TNKS: variants seen among roughly 807,000 people sequenced by gnomAD.
TNKS encodes poly [ADP-ribose] polymerase tankyrase-1.
A neutral mutation model predicts 135.8 loss-of-function variants in TNKS; 72 were observed. The observed-to-expected ratio is 0.53, with a 90% CI of 0.44 to 0.64. The LOEUF (loss-of-function observed/expected upper bound fraction) is 0.64. Among genes scored for constraint, TNKS ranks in the 30% least tolerant of loss-of-function variants. TNKS has a pLI of 0.00. For missense variants in TNKS, 1,769 were observed against 1,674.0 expected (o/e 1.06, Z -0.99); for synonymous variants, 849 against 649.3 (o/e 1.31, Z -4.68).
intron 3 of TNKS, among the ~76,000 whole-genome samples, chr8:9,677,413 C>T (rs1268751847): frequency 6.6e-6 from 1 of 152,116 alleles, no homozygotes; most frequent in Non-Finnish European, 1.5e-5. Flanking sequence ...TAGGGAGAGA[C>T]TGATTTGAAC....
intron 20 of TNKS, among the ~76,000 whole-genome samples, chr8:9,759,967 G>T (rs1807055122): frequency 6.7e-6 from 1 of 149,912 alleles, no homozygotes; most frequent in Non-Finnish European, 1.5e-5. Flanking sequence ...GACAGAGCGA[G>T]ACTCTGTCTC....
At chr8:9,710,460 T>A in intron 11 of TNKS, 1 of 576,412 alleles carries the variant, frequency 1.7e-6, no homozygotes, top group Non-Finnish European at 3.1e-6. Context: ...AATATAGCTA[T>A]AGTCATTTGA....
intron 3 of TNKS, among the ~76,000 whole-genome samples, chr8:9,651,604 G>C (rs890708077): frequency 6.6e-5 from 10 of 152,184 alleles, no homozygotes; most frequent in Admixed American, 5.9e-4. Context: ...TCAAGAAATA[G>C]TGCAATTCAG....
chr8:9,744,798 G>T (rs1409114926), intron 17 of TNKS, among the ~76,000 whole-genome samples: 1 of 152,150 alleles, frequency 6.6e-6, no homozygotes, highest in Non-Finnish European at 1.5e-5. Context: ...TATTTGGGTA[G>T]TAATATACTC....
At chr8:9,611,432 C>T (rs1185083888) in intron 2 of TNKS, among the ~76,000 whole-genome samples, 1 of 152,188 alleles carries the variant, frequency 6.6e-6, no homozygotes, top group East Asian at 1.9e-4. Flanking sequence ...AATAATATGA[C>T]ACTGTATCAT....
At chr8:9,750,044 C>G (rs1806439686) in intron 18 of TNKS, among the ~76,000 whole-genome samples, 1 of 152,206 alleles carries the variant, frequency 6.6e-6, no homozygotes, top group Non-Finnish European at 1.5e-5. Context: ...CAAGACAGGT[C>G]CCTCTCTAAC....
At chr8:9,728,718 C>A (rs1805275903) in intron 13 of TNKS, among the ~76,000 whole-genome samples, 1 of 151,674 alleles carries the variant, frequency 6.6e-6, no homozygotes, top group South Asian at 2.1e-4. Flanking sequence ...TTAATATAGC[C>A]ACAGACTCAT....
rs904857731 is a variant in TNKS, at chr8:9,638,773, C to T, written c.994+23096C>T. On this transcript the variant is annotated intron_variant, in intron 3 of 26. Transcript: ENST00000310430. ...AAATTATTTTAAATGTGTGAAAAGCCATAAGATCCAAAAGGAGACTGGTAT... is the reference window on the plus strand; with the variant it reads ...AAATTATTTTAAATGTGTGAAAAGCTATAAGATCCAAAAGGAGACTGGTAT... Among the ~76,000 whole-genome samples, 4 of 151,842 alleles carry T rather than the reference C, an allele frequency of 2.6e-5. No homozygotes were observed. The East Asian group carries it at 7.7e-4, about 29-fold the overall frequency.
At chr8:9,679,416 C>T (rs1802678311) in intron 3 of TNKS, among the ~76,000 whole-genome samples, 2 of 152,068 alleles carry the variant, frequency 1.3e-5, no homozygotes, top group African/African-American at 4.8e-5. Context: ...CGAGTCAAAG[C>T]CTTCGTGGTT....
chr8:9,703,055 G>C (rs899059283), intron 5 of TNKS, among the ~76,000 whole-genome samples: 13 of 152,128 alleles, frequency 8.5e-5, no homozygotes, highest in African/African-American at 3.1e-4. Flanking sequence ...ATGTGTTTCT[G>C]TATGGGTGAA....
intron 1 of TNKS, chr8:9,558,416 A>G (rs1797178859): frequency 6.6e-6 from 1 of 152,194 alleles, no homozygotes; most frequent in East Asian, 1.9e-4. Flanking sequence ...CTTAGGCTAA[A>G]TGAAAGGCCT....
At chr8:9,639,061 C>T (rs527968397) in intron 3 of TNKS, among the ~76,000 whole-genome samples, 1 of 152,250 alleles carries the variant, frequency 6.6e-6, no homozygotes, top group South Asian at 2.1e-4. Flanking sequence ...AACTTTCTTC[C>T]TGTGAACCTT....
At chr8:9,619,222 G>A (rs1054972322) in intron 3 of TNKS, among the ~76,000 whole-genome samples, 7 of 152,136 alleles carry the variant, frequency 4.6e-5, no homozygotes, top group Non-Finnish European at 7.4e-5. Flanking sequence ...AAAAGGCTGC[G>A]CTGCATGTGG....
At chr8:9,557,962 A>G (rs376240182) in intron 1 of TNKS, 3 of 152,336 alleles carry the variant, frequency 2.0e-5, no homozygotes, top group Admixed American at 2.0e-4. Flanking sequence ...GATTAAGGTC[A>G]CTTTTCATTT....
chr8:9,731,258 G>A (rs1295325915), intron 14 of TNKS, among the ~76,000 whole-genome samples: 1 of 152,134 alleles, frequency 6.6e-6, no homozygotes, highest in African/African-American at 2.4e-5. Flanking sequence ...TCAGGAGTTT[G>A]AGACCAGCCT....
intron 1 of TNKS, among the ~76,000 whole-genome samples, chr8:9,571,317 A>G (rs1797749168): frequency 1.3e-5 from 2 of 152,188 alleles, no homozygotes; most frequent in African/African-American, 4.8e-5. Context: ...AGAAATTTGA[A>G]TTCTGTCGCT....
Position 9,568,264 on chromosome 8 carries a change from C to T in TNKS, c.673+11652C>T, listed in dbSNP as rs141778574. The stretch of plus-strand genomic sequence containing the variant: ...CCCCCTTGGTTTGTTTCTCAGGGAT[C>T]TGGCTTGAGCTGTAAGGTTTTTGAG... On this transcript the variant is annotated intron_variant, in intron 1 of 26. Coordinates refer to ENST00000310430, the MANE Select transcript of TNKS (RefSeq NM_003747.3). Among the ~76,000 whole-genome samples, 780 of 152,262 alleles carry T rather than the reference C, an allele frequency of 5.1e-3. 6 individuals are homozygous for T. Among genetic ancestry groups the T allele is most frequent in the African/African-American group, 0.018 (741 of 41,538 alleles).
At chr8:9,758,740 C>A (rs1343702778) in intron 20 of TNKS, among the ~76,000 whole-genome samples, 4 of 152,184 alleles carry the variant, frequency 2.6e-5, no homozygotes, top group African/African-American at 9.7e-5. Context: ...CTTGATTCCT[C>A]ACCTGTGGGC....
chr8:9,771,381 AAAG>A (rs1807848312), intron 26 of TNKS, among the ~76,000 whole-genome samples: 1 of 99,184 alleles, frequency 1.0e-5, no homozygotes, highest in Non-Finnish European at 2.4e-5. Flanking sequence ...GGAGGGAGGG[AAAG>A]AGAGAAAGGG....
Sources: allele counts gnomAD v4.1 joint callset (sites outside exome capture counted in the v4.1 genomes callset), GRCh38; gene constraint gnomAD v4.1.1; transcripts MANE v1.5; gene names NCBI Gene and HGNC (gene_info 2026-07-23, HGNC 2026-07-21).